Variants in RBFOX3 observed in about 807,000 individuals in gnomAD.
The protein encoded by RBFOX3 is RNA binding fox-1 homolog 3, also known as RNA binding protein fox-1 homolog 3.
A neutral mutation model predicts 48.7 loss-of-function variants in RBFOX3; 17 were observed. The observed-to-expected ratio is 0.35, with a 90% CI of 0.24 to 0.52. RBFOX3 has a LOEUF of 0.52. Among genes scored for constraint, RBFOX3 ranks in the 20% least tolerant of loss-of-function variants. RBFOX3 has a pLI of 0.94. For synonymous variants in RBFOX3, 212 were observed against 209.5 expected, an observed-to-expected ratio of 1.01 and a Z score of -0.10; for missense variants, 382 against 497.5, an observed-to-expected ratio of 0.77 and a Z score of 2.21.
At chr17:79,292,605 CACACACACACATACAT>C (rs879415045) in intron 3 of RBFOX3, among the ~76,000 whole-genome samples, 5,028 of 87,152 alleles carry the variant, frequency 0.058, 152 homozygotes, top group East Asian at 0.24. Context: ...CACACGCACA[CACACACACACATACAT>C]GCAGACCCAG....
rs149778197 is a variant in RBFOX3, at chr17:79,199,561, G to A, written c.-34+36205C>T. On this transcript the variant is annotated intron_variant, in intron 4 of 14. Coordinates refer to ENST00000693108, the MANE Select transcript of RBFOX3 (RefSeq NM_001350451.2). This position sits in a 1 kb window ranked among gnomAD's most constrained non-coding sequence, Gnocchi z 5.1. ...AGTGACCTCTGTGGTGGGAACAGGT[G>A]ACCTAGAACACACTGGTTTGGTCCC... is the stretch of plus-strand genomic sequence containing the variant. Among the ~76,000 whole-genome samples, 39 of 152,310 alleles carry A rather than the reference G, an allele frequency of 2.6e-4. No individual in the cohort carries two copies. In the East Asian group the frequency reaches 7.3e-3, roughly 29 times the overall value.
chr17:79,239,385 A>G (rs879921923), intron 3 of RBFOX3, among the ~76,000 whole-genome samples: 20 of 152,156 alleles, frequency 1.3e-4, no homozygotes, highest in Non-Finnish European at 2.2e-4. Flanking sequence ...GGGATAATCA[A>G]TTATGGTAAT....
At chr17:79,346,034 C>G (rs150168797) in intron 2 of RBFOX3, among the ~76,000 whole-genome samples, 1 of 152,116 alleles carries the variant, frequency 6.6e-6, no homozygotes. Flanking sequence ...AATTCTCCTG[C>G]CTTAGCCTCC....
chr17:79,430,024 C>T (rs558699362), intron 2 of RBFOX3, among the ~76,000 whole-genome samples: 17 of 152,186 alleles, frequency 1.1e-4, no homozygotes, highest in Non-Finnish European at 1.9e-4. Context: ...GCTGCCGAGG[C>T]GAGGTGGGGG....
At chr17:79,110,519 G>A (rs1280335173) in intron 5 of RBFOX3, among the ~76,000 whole-genome samples, 3 of 152,216 alleles carry the variant, frequency 2.0e-5, no homozygotes, top group African/African-American at 4.8e-5. Context: ...GGCACCACAT[G>A]AACCGGTTTT....
chr17:79,642,756 A>T, the RBFOX3 span, among the ~76,000 whole-genome samples: 1 of 152,242 alleles, frequency 6.6e-6, no homozygotes, highest in Non-Finnish European at 1.5e-5. Flanking sequence ...CGAGAAACAG[A>T]GGACACAAAC....
chr17:79,428,726 C>T (rs1367668242), intron 2 of RBFOX3, among the ~76,000 whole-genome samples: 5 of 152,342 alleles, frequency 3.3e-5, no homozygotes, highest in African/African-American at 1.2e-4. Flanking sequence ...CAGGACGTGG[C>T]CTGTGACCTC....
intron 4 of RBFOX3, among the ~76,000 whole-genome samples, chr17:79,170,620 C>G (rs894938321): frequency 3.3e-5 from 5 of 152,108 alleles, no homozygotes; most frequent in African/African-American, 1.2e-4. Flanking sequence ...ACCTCTCCCG[C>G]TAAAGCTTCC....
At chr17:79,353,882 C>T (rs114679782) in intron 2 of RBFOX3, among the ~76,000 whole-genome samples, 2,796 of 152,266 alleles carry the variant, frequency 0.018, 101 homozygotes, top group African/African-American at 0.063. Context: ...CAGTGGGGGC[C>T]GCTCCCTGAG....
At chr17:79,341,177 C>T (rs1424819511) in intron 2 of RBFOX3, among the ~76,000 whole-genome samples, 2 of 152,168 alleles carry the variant, frequency 1.3e-5, no homozygotes, top group African/African-American at 4.8e-5. Context: ...CAGTCATGCA[C>T]ACCTGTAGGC....
At chr17:79,631,103 G>C in the RBFOX3 span, among the ~76,000 whole-genome samples, 1 of 152,144 alleles carries the variant, frequency 6.6e-6, no homozygotes, top group East Asian at 1.9e-4. Context: ...TTCTAAATCT[G>C]GACGTCCATC....
chr17:79,485,320 C>T lies in RBFOX3; in HGVS notation c.-319-2722G>A, dbSNP rs113807082. 1.6e-3 allele frequency among the ~76,000 whole-genome samples: 241 copies of T among 152,258 alleles called. 1 individual carries two copies. The highest frequency in any genetic ancestry group is 5.6e-3 in the African/African-American group (233 of 41,564). On this transcript the variant is annotated intron_variant, in intron 1 of 14. Transcript: ENST00000693108. ...GTCATCCCCTGGGGCCACATGGACA[C>T]CCATGCTGCCCAGCCTGGCAGCCAG... is the stretch of plus-strand genomic sequence containing the variant.
the RBFOX3 span, among the ~76,000 whole-genome samples, chr17:79,654,518 G>C: frequency 6.6e-6 from 1 of 152,302 alleles, no homozygotes; most frequent in Middle Eastern, 3.4e-3. Flanking sequence ...AAACTCTACA[G>C]ATCAAAAAGT....
At chr17:79,119,655 C>T (rs2703537) in intron 4 of RBFOX3, among the ~76,000 whole-genome samples, 136,208 of 152,214 alleles carry the variant, frequency 0.89, 61,226 homozygotes, top group Non-Finnish European at 0.94. Context: ...TTTCTCCATC[C>T]GCAAATGGTC....
At chr17:79,374,005 C>A (rs1172450226) in intron 2 of RBFOX3, among the ~76,000 whole-genome samples, 1 of 152,150 alleles carries the variant, frequency 6.6e-6, no homozygotes, top group South Asian at 2.1e-4. Context: ...ATTACAGGGG[C>A]CCACCTAATA....
intron 2 of RBFOX3, among the ~76,000 whole-genome samples, chr17:79,465,428 G>T (rs1416243249): frequency 1.3e-5 from 2 of 152,184 alleles, no homozygotes; most frequent in African/African-American, 4.8e-5. Flanking sequence ...GGTCGGGGCT[G>T]CTTCCCCTGG....
chr17:79,622,126 C>T, the RBFOX3 span, among the ~76,000 whole-genome samples: 1 of 150,914 alleles, frequency 6.6e-6, no homozygotes, highest in Non-Finnish European at 1.5e-5. Flanking sequence ...GGTTTCTCTT[C>T]AGCCATGCAC....
At chr17:79,626,223 C>T in the RBFOX3 span, among the ~76,000 whole-genome samples, 1 of 152,168 alleles carries the variant, frequency 6.6e-6, no homozygotes, top group African/African-American at 2.4e-5. Flanking sequence ...TCCCTGGACT[C>T]ATCCTCCAAA....
chr17:79,181,796 G>A (rs2052006248), intron 4 of RBFOX3, among the ~76,000 whole-genome samples: 1 of 152,138 alleles, frequency 6.6e-6, no homozygotes, highest in Non-Finnish European at 1.5e-5. Context: ...AGTGCCCAGG[G>A]GCTAGCTGCC....
Sources: gnomAD v4.1 joint callset for allele counts (sites outside exome capture counted in the v4.1 genomes callset) on GRCh38, gnomAD v4.1.1 for gene constraint, Gnocchi (gnomAD v3.1) non-coding constraint, MANE v1.5 for transcripts, NCBI Gene and HGNC (gene_info 2026-07-23, HGNC 2026-07-21) for gene names.